The following STK4 variants were observed in gnomAD, a reference collection of about 807,000 sequenced individuals.
The protein encoded by STK4 is serine/threonine kinase 4, also known as serine/threonine-protein kinase 4.
STK4 carries 30 observed loss-of-function variants against 64.9 expected under a neutral mutation model. That is an observed-to-expected ratio of 0.46 (90% CI 0.35 to 0.63). The LOEUF (loss-of-function observed/expected upper bound fraction) is 0.63. Ranked by LOEUF, STK4 falls within the 20% of genes least tolerant of loss-of-function variation. STK4 has a pLI of 0.01. For missense variants in STK4, 466 were observed against 598.5 expected, an observed-to-expected ratio of 0.78 and a Z score of 2.31; for synonymous variants, 177 against 199.0, an observed-to-expected ratio of 0.89 and a Z score of 0.93.
At chr20:45,023,638 A>G (rs2068288725) in intron 9 of STK4, among the ~76,000 whole-genome samples, 1 of 152,196 alleles carries the variant, frequency 6.6e-6, no homozygotes. Flanking sequence ...AGGTACATTC[A>G]GCTAGTTTGA....
intron 9 of STK4, among the ~76,000 whole-genome samples, chr20:45,018,633 G>A (rs867055087): frequency 2.0e-5 from 3 of 151,766 alleles, no homozygotes; most frequent in Non-Finnish European, 2.9e-5. Flanking sequence ...CATTTAAAGT[G>A]TACAGTTTAA....
chr20:45,068,468 A>G (rs929040307), intron 10 of STK4, among the ~76,000 whole-genome samples: 5 of 152,260 alleles, frequency 3.3e-5, no homozygotes, highest in Non-Finnish European at 7.3e-5. Context: ...AGTAGATAGC[A>G]TACCCATTTT....
intron 9 of STK4, 88 bp from the exon 10 acceptor site, chr20:45,024,885 T>G: frequency 1.6e-6 from 2 of 1,286,644 alleles, no homozygotes; most frequent in Non-Finnish European, 2.0e-6. Flanking sequence ...ATCCAGAGAT[T>G]GTAGCCCATC....
chr20:44,997,992 T>C (rs1175618185), intron 7 of STK4, among the ~76,000 whole-genome samples: 1 of 152,178 alleles, frequency 6.6e-6, no homozygotes, highest in African/African-American at 2.4e-5. Context: ...ACTCAGCTGG[T>C]AAGTAGCACA....
intron 10 of STK4, among the ~76,000 whole-genome samples, chr20:45,046,248 G>A (rs1032210478): frequency 2.1e-4 from 32 of 150,286 alleles, no homozygotes; most frequent in Non-Finnish European, 3.7e-4. Flanking sequence ...GGGCTACATA[G>A]CAATACCCTG....
rs1490543634 is a variant in STK4, at chr20:44,995,130, T to G, written c.566T>G (p.Phe189Cys). ...CGGAATACAGTGATAGGAACACCAT[T>G]TTGGATGGCTCCAGAAGTGATTCAG... is the stretch of plus-strand genomic sequence containing the variant. Reference protein sequence around the residue: ...AKRNTVIGTPFWMAPEVIQEI... With the variant: ...AKRNTVIGTPCWMAPEVIQEI... Residue 189 changes from phenylalanine (F) to cysteine (C), a missense_variant, in exon 6 of 11, where the codon TTT becomes TGT. Phe to Cys is a radical substitution (Grantham distance 205). This residue lies in a region of STK4 where 190 missense variants were observed against 289.7 expected (regional missense o/e 0.66). Coordinates refer to ENST00000372806, the MANE Select transcript of STK4 (RefSeq NM_006282.5). 1 of 1,613,502 alleles carries G rather than the reference T, an allele frequency of 6.2e-7. No homozygotes were observed. The highest frequency in any genetic ancestry group is 8.5e-7 in the Non-Finnish European group (1 of 1,179,708).
chr20:45,068,859 C>A (rs1430564290), intron 10 of STK4, among the ~76,000 whole-genome samples: 1 of 152,224 alleles, frequency 6.6e-6, no homozygotes, highest in Admixed American at 6.5e-5. Context: ...TAACATACTT[C>A]TTCCATATCT....
rs2067748133 is a variant in STK4, at chr20:44,997,222, A to G, written c.747A>G (p.Leu249=). The change falls in exon 7 of 11, where the codon CTA becomes CTG. Residue 249 remains leucine (L), a synonymous_variant. Coordinates refer to ENST00000372806, the MANE Select transcript of STK4 (RefSeq NM_006282.5). ...CTCCCACATTCCGAAAACCAGAGCT[A>G]TGGTCAGATAACTTTACAGATTTTG... ...NPPPTFRKPE[L]WSDNFTDFVK... 1 of 1,613,956 alleles carries G rather than the reference A, an allele frequency of 6.2e-7. No homozygotes were observed. Among genetic ancestry groups the G allele is most frequent in the African/African-American group, 1.3e-5 (1 of 74,934 alleles).
At chr20:45,058,600 T>C (rs1978703120) in intron 10 of STK4, among the ~76,000 whole-genome samples, 1 of 152,180 alleles carries the variant, frequency 6.6e-6, no homozygotes, top group Non-Finnish European at 1.5e-5. Flanking sequence ...TTCTTTGGGC[T>C]TTTTTTATTT....
At chr20:44,990,285 G>T (rs1289388537) in intron 5 of STK4, among the ~76,000 whole-genome samples, 1 of 151,866 alleles carries the variant, frequency 6.6e-6, no homozygotes. Flanking sequence ...TAAGTAGTTT[G>T]TACTTTTTGA....
chr20:44,988,567 A>ATATATATATATATG (rs1555808412), intron 5 of STK4, among the ~76,000 whole-genome samples: 1 of 142,316 alleles, frequency 7.0e-6, no homozygotes, highest in Admixed American at 7.0e-5. Context: ...ATATATATAT[A>ATATATATATATATG]TGTATCCATT....
chr20:45,000,236 C>T (rs777249693), intron 7 of STK4, among the ~76,000 whole-genome samples, 156 bp from the exon 8 acceptor site: 3 of 152,166 alleles, frequency 2.0e-5, no homozygotes, highest in South Asian at 2.1e-4. Context: ...AGTTATAAAG[C>T]GAGTGTGGTT....
intron 10 of STK4, among the ~76,000 whole-genome samples, chr20:45,030,860 T>C (rs1165495153): frequency 1.3e-5 from 2 of 152,140 alleles, no homozygotes; most frequent in African/African-American, 2.4e-5. Context: ...TAAATCCAAT[T>C]TGGCTCATGA....
intron 10 of STK4, among the ~76,000 whole-genome samples, chr20:45,051,015 G>A (rs182299781): frequency 1.1e-4 from 17 of 152,238 alleles, no homozygotes; most frequent in Admixed American, 9.8e-4. Context: ...AATCTTAATA[G>A]CTTATAGTAC....
Position 45,054,293 on chromosome 20 carries a change from G to A in STK4, c.1306-20725G>A, listed in dbSNP as rs955798148. Among the ~76,000 whole-genome samples the A allele has an allele frequency of 3.3e-5, 5 of 152,140 alleles. No individual in the cohort carries two copies. In the East Asian group the frequency reaches 5.8e-4, roughly 18 times the overall value. On this transcript the variant is annotated intron_variant, in intron 10 of 10. Transcript: ENST00000372806. ...AAAGTGCAGACTCCTGGCCAGGTGC[G>A]GGGCTCACATCTGTAATCCTAGCAC...
At chr20:45,057,904 C>T (rs1005505165) in intron 10 of STK4, among the ~76,000 whole-genome samples, 14 of 151,878 alleles carry the variant, frequency 9.2e-5, no homozygotes, top group South Asian at 2.1e-4. Context: ...AAACAGTTGC[C>T]GAAAAGAATA....
intron 10 of STK4, among the ~76,000 whole-genome samples, chr20:45,061,908 CTCTG>C (rs1327704031): frequency 5.7e-5 from 7 of 123,176 alleles, no homozygotes; most frequent in Admixed American, 5.2e-4. Context: ...TGGAGTCTTG[CTCTG>C]TCTGTCGCCC....
At chr20:45,005,151 T>C (rs2067915720) in intron 9 of STK4, among the ~76,000 whole-genome samples, 1 of 152,122 alleles carries the variant, frequency 6.6e-6, no homozygotes, top group East Asian at 1.9e-4. Context: ...CTCTCTCCAC[T>C]CTCTTCTACC....
At chr20:45,018,725 CT>C (rs11481831) in intron 9 of STK4, among the ~76,000 whole-genome samples, 4,806 of 140,244 alleles carry the variant, frequency 0.034, 185 homozygotes, top group African/African-American at 0.1. Flanking sequence ...TAAAGTTCTA[CT>C]TTTTTTTTTT....
Sources: gnomAD v4.1 joint callset for allele counts (sites outside exome capture counted in the v4.1 genomes callset) on GRCh38, gnomAD v4.1.1 for gene constraint, gnomAD v4.1.1 regional missense constraint, MANE v1.5 for transcripts, NCBI Gene and HGNC (gene_info 2026-07-23, HGNC 2026-07-21) for gene names.